The following COL20A1 variants were observed in gnomAD, a reference collection of about 807,000 sequenced individuals.
COL20A1 encodes the protein collagen alpha-1(XX) chain.
In COL20A1, 164 loss-of-function variants were observed where a neutral mutation model predicts 152.9. That is an observed-to-expected ratio of 1.07 (90% CI 0.94 to 1.22). The LOEUF (loss-of-function observed/expected upper bound fraction) is 1.22, where lower values mean the gene tolerates loss of function less well. Ranked by LOEUF, COL20A1 falls within the 50% of genes most tolerant of loss-of-function variation. The pLI is 0.00. For synonymous variants in COL20A1, 864 were observed against 756.0 expected, an observed-to-expected ratio of 1.14 and a Z score of -2.34; for missense variants, 1,873 against 1,744.8, an observed-to-expected ratio of 1.07 and a Z score of -1.31.
chr20:63,298,570 G>GAA (rs1241386223), intron 3 of COL20A1, among the ~76,000 whole-genome samples: 1 of 150,264 alleles, frequency 6.7e-6, no homozygotes, highest in South Asian at 2.3e-4. Context: ...TTACAGGCGT[G>GAA]AACCACCATG....
chr20:63,327,495 A>G (rs1185903991), intron 31 of COL20A1: 2 of 196,868 alleles, frequency 1.0e-5, no homozygotes, highest in East Asian at 2.5e-4. Context: ...CCCCTGGGGG[A>G]TGCCTTGGCC....
At chr20:63,321,948 G>A (rs1017145511) in intron 26 of COL20A1, 110 bp from the exon 27 acceptor site, 3 of 804,600 alleles carry the variant, frequency 3.7e-6, no homozygotes, top group Non-Finnish European at 5.8e-6. Context: ...CTGGGGCTGG[G>A]TGGGGCATGG....
chr20:63,328,903 C>T (rs1378336798), intron 34 of COL20A1, among the ~76,000 whole-genome samples: 1 of 151,932 alleles, frequency 6.6e-6, no homozygotes, highest in Non-Finnish European at 1.5e-5. Flanking sequence ...CCCCACCCAG[C>T]GCACAGTCGC....
chr20:63,314,127 C>G lies in COL20A1; in HGVS notation c.2414C>G (p.Thr805Arg). 6.2e-7 allele frequency: 1 copy of G among 1,611,648 alleles called. No individual in the cohort carries two copies. Among genetic ancestry groups the G allele is most frequent in the South Asian group, 1.1e-5 (1 of 90,698 alleles). The change falls in exon 19 of 36, where the codon ACG (threonine) becomes AGG (arginine). Residue 805 changes from threonine (T) to arginine (R), a missense_variant. Coordinates refer to ENST00000358894, the MANE Select transcript of COL20A1 (RefSeq NM_020882.4). ...HVTLPDLQAA[T>R]KYRVLVSAIY... is the part of the protein sequence containing the mutation. ...ACACTGCCCGACCTGCAGGCAGCCA[C>G]GAAGTACAGGGTCCTGGTCTCAGCT...
intron 29 of COL20A1, 99 bp downstream of exon 29, chr20:63,325,820 G>T (rs2068238787): frequency 4.4e-6 from 5 of 1,130,992 alleles, no homozygotes; most frequent in Non-Finnish European, 6.5e-6. Context: ...GGAGGGGGAG[G>T]TGCTTTCTCC....
chr20:63,321,445 C>G (rs2068161585), intron 26 of COL20A1, among the ~76,000 whole-genome samples: 1 of 152,222 alleles, frequency 6.6e-6, no homozygotes, highest in African/African-American at 2.4e-5. Flanking sequence ...GGCGTGGAAT[C>G]CAGTGTTTCT....
rs1269861905 is a variant in COL20A1, at chr20:63,305,462, C to A, written c.239C>A (p.Ala80Asp). The change falls in exon 4 of 36, where the codon GCC becomes GAC. Residue 80 changes from alanine to aspartate, a missense_variant. By Grantham distance (126) the Ala-to-Asp change is moderately radical (BLOSUM62 -2). Coordinates refer to ENST00000358894, the MANE Select transcript of COL20A1 (RefSeq NM_020882.4). This position sits in a 1 kb window ranked among gnomAD's most constrained non-coding sequence, Gnocchi z 4.9. ...ATACTGACCACCAAGACCCCTAAGG[C>A]CACAGTGGGGGGCCTGAGCCCCTCC... ...EVILTTKTPK[A>D]TVGGLSPSKG... 6.2e-7 allele frequency: 1 copy of A among 1,602,032 alleles called. No homozygotes were observed. The highest frequency in any genetic ancestry group is 8.5e-7 in the Non-Finnish European group (1 of 1,175,176).
chr20:63,327,751 C>G (rs893415524), intron 31 of COL20A1: 1 of 604,426 alleles, frequency 1.7e-6, no homozygotes, highest in African/African-American at 1.9e-5. Flanking sequence ...GCTGCAGAAC[C>G]GAGCCTCTCA....
chr20:63,316,418 C>T (rs1016932036), intron 20 of COL20A1, 135 bp from the exon 21 acceptor site: 8 of 560,754 alleles, frequency 1.4e-5, no homozygotes, highest in Admixed American at 3.7e-5. Flanking sequence ...TTCCCACCCA[C>T]GCCGCTCCGT....
At position 63,313,645 on chromosome 20, in the gene COL20A1, C is replaced by T. The variant is rs1179992142; in HGVS notation, c.2210-98C>T. The T allele has an allele frequency of 9.1e-6, 11 of 1,205,772 alleles. No homozygotes were observed. Among genetic ancestry groups the T allele is most frequent in the Admixed American group, 8.6e-5 (3 of 34,804 alleles). 74.7% of individuals were successfully genotyped at this position (1,205,772 alleles called of 1,614,324 possible). A position where few individuals can be genotyped will look rare whatever the true frequency, so the allele number is the denominator to read the frequency against. Reference sequence around the variant, plus strand: ...GTGGCATGATGTGGTGGAGGCATTACGCAGAGCAGGGTAGGGGCTGGGCAG... The same window carrying T: ...GTGGCATGATGTGGTGGAGGCATTATGCAGAGCAGGGTAGGGGCTGGGCAG... On this transcript the variant is annotated intron_variant, in intron 17 of 35. Coordinates refer to ENST00000358894, the MANE Select transcript of COL20A1 (RefSeq NM_020882.4). This position sits in a 1 kb window ranked among gnomAD's most constrained non-coding sequence, Gnocchi z 5.9.
intron 5 of COL20A1, 70 bp from the exon 6 acceptor site, chr20:63,307,420 G>A: frequency 7.6e-6 from 11 of 1,445,416 alleles, no homozygotes; most frequent in South Asian, 2.5e-5. Flanking sequence ...GAGCCCCGGG[G>A]TAGGTGATCT....
At chr20:63,312,312 G>A in intron 14 of COL20A1, 108 bp from the exon 15 acceptor site, 1 of 1,302,084 alleles carries the variant, frequency 7.7e-7, no homozygotes, top group South Asian at 1.6e-5. Context: ...CCCGTTTCTG[G>A]GGGGTCGTGG....
chr20:63,327,282 C>G (rs558910129), intron 31 of COL20A1: 1 of 179,818 alleles, frequency 5.6e-6, no homozygotes, highest in South Asian at 1.0e-4. Context: ...TCCTATTGAC[C>G]ACTCAGGGAC....
Position 63,312,452 on chromosome 20 carries a change from G to C in COL20A1, c.1836G>C (p.Thr612=), listed in dbSNP as rs377213715. 8.1e-4 allele frequency: 1,302 copies of C among 1,605,142 alleles called. 1 individual carries two copies. The highest frequency in any genetic ancestry group is 1.0e-3 in the Non-Finnish European group (1,183 of 1,177,598). The change falls in exon 15 of 36, where the codon ACG becomes ACC. Residue 612 remains threonine, a synonymous_variant. Coordinates refer to ENST00000358894, the MANE Select transcript of COL20A1 (RefSeq NM_020882.4). ...CTCCTGGGAACGCCACCTCGGCCAC[G>C]CTGGGGCCTCTCTCTTCCTCCACCA... ...TEAPGNATSA[T]LGPLSSSTTY...
Position 63,306,110 on chromosome 20 carries a change from T to G in COL20A1, c.496+71T>G. The G allele has an allele frequency of 2.2e-6, 3 of 1,393,388 alleles. No individual in the cohort carries two copies. The highest frequency in any genetic ancestry group is 2.9e-6 in the Non-Finnish European group (3 of 1,023,966). The allele number at this position is 1,393,388 out of a possible 1,614,324, so 86.3% of individuals were successfully genotyped here. The stretch of plus-strand genomic sequence containing the variant: ...CTTTGGTTTCCCACATTTCCCACCA[T>G]GAGGCCAGGAAGTTCTTCCTCGTGT... On this transcript the variant is annotated intron_variant, in intron 5 of 35. Transcript: ENST00000358894. The surrounding 1 kb of genome is among the most constrained non-coding windows in gnomAD (Gnocchi z 6.9).
At chr20:63,329,501 GC>G in intron 34 of COL20A1, 83 bp from the exon 35 acceptor site, 2 of 1,058,710 alleles carry the variant, frequency 1.9e-6, no homozygotes, top group South Asian at 1.3e-5. Context: ...CCAGGGAGGG[GC>G]CCTGACACCC....
intron 21 of COL20A1, 139 bp from the exon 22 acceptor site, chr20:63,318,919 G>A (rs540228712): frequency 3.6e-4 from 241 of 667,114 alleles, no homozygotes; most frequent in East Asian, 1.1e-3. Flanking sequence ...AAGGGTGTGC[G>A]GGTGCAGGGG....
At position 63,308,103 on chromosome 20, in the gene COL20A1, C is replaced by G. The variant is rs749305965; in HGVS notation, c.775+13C>G. On this transcript the variant is annotated intron_variant, in intron 7 of 35. Coordinates refer to ENST00000358894, the MANE Select transcript of COL20A1 (RefSeq NM_020882.4). ...AACACGTTCACAGGTACGGCCCAGG[C>G]CTGCCCCTCCCTCTGTCCTGAGGGC... The G allele has an allele frequency of 6.3e-7, 1 of 1,598,782 alleles. No homozygotes were observed. Among genetic ancestry groups the G allele is most frequent in the Non-Finnish European group, 8.5e-7 (1 of 1,179,178 alleles).
chr20:63,319,211 C>T lies in COL20A1; in HGVS notation c.2806+11C>T, dbSNP rs1161840815. 6.2e-7 allele frequency: 1 copy of T among 1,609,270 alleles called. No homozygotes were observed. The highest frequency in any genetic ancestry group is 8.5e-7 in the Non-Finnish European group (1 of 1,178,168). On this transcript the variant is annotated intron_variant, in intron 22 of 35. Coordinates refer to ENST00000358894, the MANE Select transcript of COL20A1 (RefSeq NM_020882.4). This position sits in a 1 kb window ranked among gnomAD's most constrained non-coding sequence, Gnocchi z 4.4. ...GGGTTCTGCTGGATGGTGACGTGGG[C>T]CCCGCGTCGCCCCCAGCAGTCAGGA...
Sources: gnomAD v4.1 joint callset for allele counts (sites outside exome capture counted in the v4.1 genomes callset) on GRCh38, gnomAD v4.1.1 for gene constraint, Gnocchi (gnomAD v3.1) non-coding constraint, MANE v1.5 for transcripts, NCBI Gene and HGNC (gene_info 2026-07-23, HGNC 2026-07-21) for gene names.